The following BNC2 variants were observed in gnomAD, a reference collection of about 807,000 sequenced individuals.
The protein encoded by BNC2 is basonuclin zinc finger protein 2.
A neutral mutation model predicts 76.3 loss-of-function variants in BNC2; 20 were observed. The ratio of observed to expected loss-of-function variants is 0.26; its 90% CI spans 0.18 to 0.38. The LOEUF is 0.38. Among genes scored for constraint, BNC2 ranks in the 10% least tolerant of loss-of-function variants. The probability of loss-of-function intolerance (pLI) is 1.00; values close to 1 mark genes in which losing one functional copy is unlikely to be tolerated. For missense variants in BNC2, 1,382 were observed against 1,399.8 expected (o/e 0.99, Z 0.20); for synonymous variants, 582 against 514.8 (o/e 1.13, Z -1.77).
chr9:16,863,321 A>G (rs1819459986), intron 1 of BNC2, among the ~76,000 whole-genome samples: 1 of 152,232 alleles, frequency 6.6e-6, no homozygotes, highest in Non-Finnish European at 1.5e-5. Context: ...GGGAAAGACT[A>G]TGAAAAATAA....
intron 3 of BNC2, among the ~76,000 whole-genome samples, chr9:16,657,819 T>C (rs780757579): frequency 6.6e-5 from 10 of 152,180 alleles, no homozygotes; most frequent in Non-Finnish European, 8.8e-5. Context: ...TTATATATCA[T>C]ACTATGATGT....
At chr9:16,582,759 C>A (rs1184200693) in intron 4 of BNC2, among the ~76,000 whole-genome samples, 1 of 152,168 alleles carries the variant, frequency 6.6e-6, no homozygotes, top group Non-Finnish European at 1.5e-5. Flanking sequence ...ACATCTTGGC[C>A]TTCTGCTGAG....
At chr9:16,669,329 C>T (rs1178012026) in intron 3 of BNC2, among the ~76,000 whole-genome samples, 1 of 152,196 alleles carries the variant, frequency 6.6e-6, no homozygotes, top group African/African-American at 2.4e-5. Flanking sequence ...TATTCTATCA[C>T]ACCCCCAGGT....
chr9:16,656,852 G>C (rs1210367022), intron 3 of BNC2, among the ~76,000 whole-genome samples: 1 of 152,166 alleles, frequency 6.6e-6, no homozygotes, highest in Non-Finnish European at 1.5e-5. Context: ...ATCTTTACAA[G>C]ATTAGAGGCA....
intron 6 of BNC2, among the ~76,000 whole-genome samples, chr9:16,430,178 C>T (rs778738402): frequency 6.6e-5 from 10 of 151,370 alleles, no homozygotes; most frequent in Non-Finnish European, 1.3e-4. Context: ...TATTGTGAAA[C>T]CAAATAGAGT....
chr9:16,499,272 G>A (rs1822467198), intron 5 of BNC2, among the ~76,000 whole-genome samples: 1 of 151,980 alleles, frequency 6.6e-6, no homozygotes, highest in Non-Finnish European at 1.5e-5. Context: ...AGTCAGTTAA[G>A]TTACTTTTTT....
At chr9:16,420,498 T>C (rs1267416241) in intron 6 of BNC2, among the ~76,000 whole-genome samples, 2 of 151,750 alleles carry the variant, frequency 1.3e-5, no homozygotes, top group African/African-American at 4.8e-5. Flanking sequence ...TTAAAAAAAA[T>C]CACACTGAAC....
At chr9:16,623,723 G>C (rs1414897791) in intron 3 of BNC2, among the ~76,000 whole-genome samples, 1 of 152,196 alleles carries the variant, frequency 6.6e-6, no homozygotes, top group African/African-American at 2.4e-5. Context: ...TCTAATACCA[G>C]ATGTATGTGG....
chr9:16,781,918 G>T (rs1173867344), intron 1 of BNC2, among the ~76,000 whole-genome samples: 1 of 152,098 alleles, frequency 6.6e-6, no homozygotes, highest in African/African-American at 2.4e-5. Context: ...ATGGAAAGGA[G>T]AAAACTGGTA....
At chr9:16,665,238 T>G in intron 3 of BNC2, 1 of 369,236 alleles carries the variant, frequency 2.7e-6, no homozygotes, top group Admixed American at 3.6e-5. Context: ...GGCATGGTGG[T>G]GCATGCCTGT....
intron 6 of BNC2, among the ~76,000 whole-genome samples, chr9:16,429,135 A>G (rs1820857581): frequency 6.6e-6 from 1 of 152,102 alleles, no homozygotes; most frequent in Non-Finnish European, 1.5e-5. Context: ...CAAGCACATT[A>G]TTTCTGAGAA....
chr9:16,808,288 T>C lies in BNC2; in HGVS notation c.3+62358A>G, dbSNP rs371625066. On this transcript the variant is annotated intron_variant, in intron 1 of 6. Transcript: ENST00000380672. The stretch of plus-strand genomic sequence containing the variant: ...TAATTACCCACCATTTTCATTATTA[T>C]TCTCTCGGTTTATTTCATTAAAATT... Among the ~76,000 whole-genome samples, 8 of 152,102 alleles carry C rather than the reference T, an allele frequency of 5.3e-5. 1 individual carries two copies. In the East Asian group the frequency reaches 1.3e-3, roughly 26 times the overall value.
intron 3 of BNC2, among the ~76,000 whole-genome samples, chr9:16,710,294 C>T (rs1452453274): frequency 6.6e-6 from 1 of 152,150 alleles, no homozygotes; most frequent in East Asian, 1.9e-4. Flanking sequence ...CAGTCTTATG[C>T]TTTGCATCTT....
chr9:16,521,440 G>A (rs1272199781), intron 5 of BNC2, among the ~76,000 whole-genome samples: 2 of 152,176 alleles, frequency 1.3e-5, no homozygotes, highest in African/African-American at 2.4e-5. Context: ...ATGATATAAC[G>A]TGTTAGCATG....
chr9:16,813,329 G>A (rs1367805206), intron 1 of BNC2, among the ~76,000 whole-genome samples: 5 of 151,112 alleles, frequency 3.3e-5, no homozygotes, highest in Non-Finnish European at 5.9e-5. Flanking sequence ...GCAGTGGTGC[G>A]ATCTCGGCTC....
At chr9:16,766,668 CA>C in intron 1 of BNC2, among the ~76,000 whole-genome samples, 1 of 152,214 alleles carries the variant, frequency 6.6e-6, no homozygotes, top group Non-Finnish European at 1.5e-5. Context: ...CTCCAGACCA[CA>C]AAAATTAGTT....
rs1195684672 is a variant in BNC2, at chr9:16,419,448, G to A, written c.2841C>T (p.Asn947=). The A allele has an allele frequency of 2.2e-5, 36 of 1,612,514 alleles. No homozygotes were observed. Among genetic ancestry groups the A allele is most frequent in the Middle Eastern group, 1.6e-4 (1 of 6,074 alleles). The change falls in exon 7 of 7, where the codon AAC becomes AAT. Residue 947 remains asparagine (N), a synonymous_variant. Coordinates refer to ENST00000380672, the MANE Select transcript of BNC2 (RefSeq NM_017637.6). Reference sequence around the variant, plus strand: ...CCTCTGCCATGCCTCTCCCATACCCGTTCAGGTGGGAGTCTTCAGTCCCTG... The same window carrying A: ...CCTCTGCCATGCCTCTCCCATACCCATTCAGGTGGGAGTCTTCAGTCCCTG... ...SPAGTEDSHL[N]GYGRGMAEDY...
At chr9:16,746,347 T>G (rs1427173471) in intron 1 of BNC2, among the ~76,000 whole-genome samples, 9 of 152,028 alleles carry the variant, frequency 5.9e-5, no homozygotes, top group African/African-American at 2.2e-4. Flanking sequence ...TGAATCTTAT[T>G]AAACTCGTTT....
rs1428626086 is a variant in BNC2 at position 16,701,504 on chromosome 9, T to C, written c.330+26293A>G. Among the ~76,000 whole-genome samples, 3 of 152,216 alleles carry C rather than the reference T, an allele frequency of 2.0e-5. 1 individual carries two copies. The highest frequency in any genetic ancestry group is 4.4e-5 in the Non-Finnish European group (3 of 68,032). ...AAAAGGTAGCAATAAAGTTATTAGTTAACAATTTTCATTTTTTTATGCTTA... is the reference window on the plus strand; with the variant it reads ...AAAAGGTAGCAATAAAGTTATTAGTCAACAATTTTCATTTTTTTATGCTTA... On this transcript the variant is annotated intron_variant, in intron 3 of 6. Transcript: ENST00000380672.
Sources: allele counts gnomAD v4.1 joint callset (sites outside exome capture counted in the v4.1 genomes callset), GRCh38; gene constraint gnomAD v4.1.1; transcripts MANE v1.5; gene names NCBI Gene and HGNC (gene_info 2026-07-23, HGNC 2026-07-21).